The following ATP8A2 variants were observed in gnomAD, a reference collection of about 807,000 sequenced individuals.
ATP8A2 encodes ATPase phospholipid transporting 8A2, also known as phospholipid-transporting ATPase IB.
ATP8A2 carries 100 observed loss-of-function variants against 165.6 expected under a neutral mutation model. The ratio of observed to expected loss-of-function variants is 0.60; its 90% CI spans 0.51 to 0.71. ATP8A2 has a LOEUF of 0.71. ATP8A2 is among the 30% of genes least tolerant of loss of function. The pLI is 0.00. For synonymous variants in ATP8A2, 543 were observed against 548.8 expected (o/e 0.99, Z 0.15); for missense variants, 1,227 against 1,479.5 (o/e 0.83, Z 2.80).
intron 34 of ATP8A2, among the ~76,000 whole-genome samples, chr13:25,962,593 G>T (rs979377077): frequency 9.9e-5 from 15 of 152,112 alleles, no homozygotes; most frequent in African/African-American, 1.9e-4. Flanking sequence ...GTTTTGGGTC[G>T]ACCCAATTTC....
chr13:25,706,568 G>T (rs1004579809), intron 25 of ATP8A2, among the ~76,000 whole-genome samples: 2 of 152,198 alleles, frequency 1.3e-5, no homozygotes, highest in Non-Finnish European at 2.9e-5. Flanking sequence ...TGTCAAAACA[G>T]AGTTCAGATG....
In ATP8A2 at chr13:25,579,789, A is replaced by G; in HGVS notation, c.1868-19A>G. On this transcript the variant is annotated intron_variant, in intron 21 of 36. Coordinates refer to ENST00000381655, the MANE Select transcript of ATP8A2 (RefSeq NM_016529.6). Reference sequence around the variant, plus strand: ...TCACGCGTTCTGCCTGCCTCCATTCACCAGTGGCTGTCTTGCAGGCTTGCG... The same window carrying G: ...TCACGCGTTCTGCCTGCCTCCATTCGCCAGTGGCTGTCTTGCAGGCTTGCG... The G allele has an allele frequency of 5.0e-6, 8 of 1,611,220 alleles. No individual in the cohort carries two copies. Among genetic ancestry groups the G allele is most frequent in the Non-Finnish European group, 6.8e-6 (8 of 1,177,630 alleles).
At position 25,653,166 on chromosome 13, in the gene ATP8A2, T is replaced by C. The variant is rs555401319; in HGVS notation, c.2212-46007T>C. 5.5e-4 allele frequency among the ~76,000 whole-genome samples: 84 copies of C among 152,332 alleles called. 1 individual carries two copies. The South Asian group carries it at 0.017, about 30-fold the overall frequency. On this transcript the variant is annotated intron_variant, in intron 24 of 36. Coordinates refer to ENST00000381655, the MANE Select transcript of ATP8A2 (RefSeq NM_016529.6). ...GTAAGGAAGGGATCCAGTTTCAATC[T>C]TTTGCATATGGCTAGCCAGTTATCC...
Position 25,637,420 on chromosome 13 carries a change from C to G in ATP8A2, c.2211+47721C>G, listed in dbSNP as rs527358769. On this transcript the variant is annotated intron_variant, in intron 24 of 36. Transcript: ENST00000381655. ...GGGTCACTCCCATTCTAATACTGCA[C>G]TTTTCCAATGGTCTTAGCAAATGGC... Among the ~76,000 whole-genome samples the G allele has an allele frequency of 4.6e-5, 7 of 152,314 alleles. No homozygotes were observed. The South Asian group carries it at 1.5e-3, about 32-fold the overall frequency.
At chr13:25,778,675 G>A (rs2044797506) in intron 27 of ATP8A2, among the ~76,000 whole-genome samples, 1 of 152,148 alleles carries the variant, frequency 6.6e-6, no homozygotes, top group African/African-American at 2.4e-5. Flanking sequence ...AAAGAGTGAT[G>A]AATGCTGCTG....
chr13:25,961,467 G>C, intron 33 of ATP8A2, 108 bp from the exon 34 acceptor site: 10 of 901,948 alleles, frequency 1.1e-5, no homozygotes, highest in Non-Finnish European at 1.6e-5. Context: ...ATTGCATTTA[G>C]TGCGGTCTGT....
chr13:25,559,265 G>C (rs1286742162), intron 14 of ATP8A2, among the ~76,000 whole-genome samples: 2 of 152,182 alleles, frequency 1.3e-5, no homozygotes, highest in African/African-American at 4.8e-5. Flanking sequence ...GGGTGCAGTG[G>C]CTCACACCTG....
At chr13:25,588,107 A>G (rs1011019208) in intron 23 of ATP8A2, among the ~76,000 whole-genome samples, 4 of 152,224 alleles carry the variant, frequency 2.6e-5, no homozygotes, top group African/African-American at 9.6e-5. Context: ...AACTGTTGTT[A>G]ACAGCCTTGC....
chr13:25,997,978 A>G (rs1956548635), intron 35 of ATP8A2, among the ~76,000 whole-genome samples: 1 of 152,150 alleles, frequency 6.6e-6, no homozygotes, highest in South Asian at 2.1e-4. Context: ...GGTTTATGGT[A>G]AAATAAGTGA....
At chr13:25,850,388 C>T (rs1307666101) in intron 30 of ATP8A2, among the ~76,000 whole-genome samples, 1 of 150,692 alleles carries the variant, frequency 6.6e-6, no homozygotes, top group Non-Finnish European at 1.5e-5. Flanking sequence ...GCCCCACCCC[C>T]ACCTCATCAG....
At chr13:25,807,328 A>C in intron 27 of ATP8A2, among the ~76,000 whole-genome samples, 1 of 152,120 alleles carries the variant, frequency 6.6e-6, no homozygotes, top group East Asian at 1.9e-4. Context: ...TCTTAAACTT[A>C]CGACTGTTAT....
intron 33 of ATP8A2, among the ~76,000 whole-genome samples, chr13:25,942,417 G>C (rs536675457): frequency 5.9e-5 from 9 of 152,086 alleles, no homozygotes; most frequent in Non-Finnish European, 1.2e-4. Context: ...ATGTAGGCAA[G>C]CTTATCGATT....
chr13:25,372,254 C>T lies in ATP8A2; in HGVS notation c.42C>T (p.Ser14=). ...GAGLDKALKM[S]LPRRSRIRSS... The stretch of plus-strand genomic sequence containing the variant: ...GCCTGGACAAAGCTCTTAAGATGTC[C>T]CTGCCGCGGAGGTCGAGGATCCGCT... The change falls in exon 1 of 37, where the codon TCC becomes TCT. Residue 14 remains serine (S), a synonymous_variant. Coordinates refer to ENST00000381655, the MANE Select transcript of ATP8A2 (RefSeq NM_016529.6). This position sits in a 1 kb window ranked among gnomAD's most constrained non-coding sequence, Gnocchi z 4.8. 2 of 1,479,740 alleles carry T rather than the reference C, an allele frequency of 1.4e-6. No individual in the cohort carries two copies. The highest frequency in any genetic ancestry group is 1.3e-5 in the South Asian group (1 of 78,032). The allele number at this position is 1,479,740 out of a possible 1,614,324, so 91.7% of individuals were successfully genotyped here.
At chr13:25,732,796 T>C (rs1203294191) in intron 25 of ATP8A2, among the ~76,000 whole-genome samples, 1 of 151,926 alleles carries the variant, frequency 6.6e-6, no homozygotes, top group African/African-American at 2.4e-5. Flanking sequence ...AGCCTATTGC[T>C]GAAAAAAAGT....
At chr13:26,002,892 G>GTA (rs2139327067) in intron 35 of ATP8A2, among the ~76,000 whole-genome samples, 1 of 143,724 alleles carries the variant, frequency 7.0e-6, no homozygotes, top group Admixed American at 7.0e-5. Context: ...GTGTGTGTGT[G>GTA]TGTATGTACC....
intron 27 of ATP8A2, among the ~76,000 whole-genome samples, chr13:25,801,278 C>T (rs187731261): frequency 5.9e-5 from 9 of 152,150 alleles, no homozygotes; most frequent in Non-Finnish European, 1.0e-4. Flanking sequence ...TTCAACAAGT[C>T]TTATGGGCTG....
At chr13:25,383,519 A>G (rs7995810) in intron 1 of ATP8A2, among the ~76,000 whole-genome samples, 100,753 of 152,080 alleles carry the variant, frequency 0.66, 34,927 homozygotes, top group East Asian at 0.86. Flanking sequence ...CTCCCAGTCC[A>G]TGGCTTGTCT....
chr13:25,416,148 G>A (rs765919945), intron 1 of ATP8A2, among the ~76,000 whole-genome samples: 114 of 152,232 alleles, frequency 7.5e-4, no homozygotes, highest in Non-Finnish European at 1.2e-3. Context: ...TGTTGAATAC[G>A]TTATACATTC....
Position 26,025,665 on chromosome 13 carries a change from T to A in ATP8A2, c.*5680T>A, listed in dbSNP as rs1041280772. Reference sequence around the variant, plus strand: ...GTTTTCACGTCCTATTAATGTCCTCTGGTTGTTAAATTACAGCAGCACATT... The same window carrying A: ...GTTTTCACGTCCTATTAATGTCCTCAGGTTGTTAAATTACAGCAGCACATT... On this transcript the variant is annotated 3_prime_UTR_variant, in exon 37 of 37. Transcript: ENST00000381655. 5 of 152,194 alleles carry A rather than the reference T, an allele frequency of 3.3e-5. No individual in the cohort carries two copies. The highest frequency in any genetic ancestry group is 2.6e-4 in the Admixed American group (4 of 15,274). The allele number at this position is 152,194 out of a possible 1,614,324, so 9.4% of individuals were successfully genotyped here.
Sources: gnomAD v4.1 joint callset for allele counts (sites outside exome capture counted in the v4.1 genomes callset) on GRCh38, gnomAD v4.1.1 for gene constraint, Gnocchi (gnomAD v3.1) non-coding constraint, MANE v1.5 for transcripts, NCBI Gene and HGNC (gene_info 2026-07-23, HGNC 2026-07-21) for gene names.